Variants in BICC1 observed in about 807,000 individuals in gnomAD.
BICC1 encodes BicC family RNA binding protein 1.
A neutral mutation model predicts 111.0 loss-of-function variants in BICC1; 43 were observed. That is an observed-to-expected ratio of 0.39 (90% CI 0.30 to 0.50). The LOEUF (loss-of-function observed/expected upper bound fraction) is 0.50, where lower values mean the gene tolerates loss of function less well. BICC1 is among the 20% of genes least tolerant of loss of function. The pLI, the probability that BICC1 is intolerant of heterozygous loss-of-function variation, is 0.88. For synonymous variants in BICC1, 467 were observed against 434.4 expected, an observed-to-expected ratio of 1.07 and a Z score of -0.93; for missense variants, 1,091 against 1,203.2, an observed-to-expected ratio of 0.91 and a Z score of 1.38.
intron 1 of BICC1, among the ~76,000 whole-genome samples, chr10:58,576,480 G>A (rs1432753670): frequency 6.6e-6 from 1 of 152,138 alleles, no homozygotes. Flanking sequence ...TCATGTACAA[G>A]CAAGGATCGC....
intron 16 of BICC1, among the ~76,000 whole-genome samples, 159 bp downstream of exon 16, chr10:58,806,782 A>C (rs1438223593): frequency 6.6e-6 from 1 of 152,174 alleles, no homozygotes. Flanking sequence ...TATTTTGTTG[A>C]ATGGTTTAGC....
intron 1 of BICC1, among the ~76,000 whole-genome samples, chr10:58,539,471 A>G (rs1842904648): frequency 6.6e-6 from 1 of 151,534 alleles, no homozygotes; most frequent in South Asian, 2.1e-4. Flanking sequence ...AAAATTCTAG[A>G]CTTCTCCATG....
At chr10:58,617,073 G>A (rs1845636917) in intron 1 of BICC1, among the ~76,000 whole-genome samples, 1 of 152,258 alleles carries the variant, frequency 6.6e-6, no homozygotes, top group Non-Finnish European at 1.5e-5. Flanking sequence ...GCCTTTAGCA[G>A]CGCATGGAGC....
Position 58,642,484 on chromosome 10 carries a change from T to C in BICC1, c.237+21583T>C, listed in dbSNP as rs1838152553. On this transcript the variant is annotated intron_variant, in intron 2 of 20. Transcript: ENST00000373886. Reference sequence around the variant, plus strand: ...TCCTGGAATGTCATGGAACTTTTCCTGTAATGAGTTCCTGGTGACTTGAGA... The same window carrying C: ...TCCTGGAATGTCATGGAACTTTTCCCGTAATGAGTTCCTGGTGACTTGAGA... Among the ~76,000 whole-genome samples the C allele has an allele frequency of 2.0e-5, 3 of 152,284 alleles. No homozygotes were observed. In the East Asian group the frequency reaches 5.8e-4, roughly 29 times the overall value.
chr10:58,770,395 C>G lies in BICC1; in HGVS notation c.308-14606C>G, dbSNP rs543613012. Reference sequence around the variant, plus strand: ...ATAAACTGCAGAGTGAACCTTTCTCCACCAAGTAATTATGCTGATATGTTG... The same window carrying G: ...ATAAACTGCAGAGTGAACCTTTCTCGACCAAGTAATTATGCTGATATGTTG... On this transcript the variant is annotated intron_variant, in intron 3 of 20. Transcript: ENST00000373886. Among the ~76,000 whole-genome samples the G allele has an allele frequency of 4.6e-5, 7 of 152,042 alleles. No homozygotes were observed. In the South Asian group the frequency reaches 1.5e-3, roughly 32 times the overall value.
intron 2 of BICC1, among the ~76,000 whole-genome samples, chr10:58,684,176 T>C (rs7915579): frequency 0.016 from 2,491 of 152,262 alleles, 68 homozygotes; most frequent in African/African-American, 0.057. Context: ...ATGGATTATG[T>C]TTATTGGTTT....
At chr10:58,800,681 C>T (rs968491081) in intron 13 of BICC1, among the ~76,000 whole-genome samples, 5 of 152,164 alleles carry the variant, frequency 3.3e-5, no homozygotes, top group Admixed American at 3.3e-4. Context: ...CCCACCAAAT[C>T]TTTAAAATAT....
At chr10:58,734,044 C>A (rs7087466) in intron 3 of BICC1, among the ~76,000 whole-genome samples, 45,318 of 152,060 alleles carry the variant, frequency 0.3, 7,738 homozygotes, top group African/African-American at 0.47. Context: ...ACACTTCCAT[C>A]TGTGGGAAAA....
chr10:58,716,089 AAGAG>A, intron 3 of BICC1: 1 of 1,491,184 alleles, frequency 6.7e-7, no homozygotes, highest in South Asian at 1.2e-5. Context: ...ACTCAGCAAA[AAGAG>A]AAAGATGTAT....
chr10:58,517,501 GA>G (rs1842273642), intron 1 of BICC1, among the ~76,000 whole-genome samples: 2 of 152,190 alleles, frequency 1.3e-5, no homozygotes, highest in Non-Finnish European at 2.9e-5. Flanking sequence ...GAAGAAATAT[GA>G]AGCCAAAAAT....
In BICC1 at chr10:58,650,825, T is replaced by A. The variant is rs535345212; in HGVS notation, c.237+29924T>A. ...GCTCCTCGTATCCTTTTTATAAGCT[T>A]TTCAAGTTAACCTGGAGCTCCCCTT... On this transcript the variant is annotated intron_variant, in intron 2 of 20. Transcript: ENST00000373886. 5 of 152,242 alleles carry A rather than the reference T, an allele frequency of 3.3e-5. No individual in the cohort carries two copies. In the East Asian group the frequency reaches 9.6e-4, roughly 29 times the overall value. 9.4% of individuals were successfully genotyped at this position (152,242 alleles called of 1,614,324 possible).
intron 18 of BICC1, 57 bp downstream of exon 18, chr10:58,814,043 T>A (rs776774969): frequency 6.3e-7 from 1 of 1,597,138 alleles, no homozygotes; most frequent in East Asian, 2.2e-5. Context: ...ATGTGTTTAT[T>A]TGGGTTGGAG....
chr10:58,771,238 G>A lies in BICC1; in HGVS notation c.308-13763G>A, dbSNP rs921933986. On this transcript the variant is annotated intron_variant, in intron 3 of 20. Transcript: ENST00000373886. ...GTGCCAGAGTCTGAAGGGCTGTCATGGATATGCTAAGGGGATGACATTTTT... is the reference window on the plus strand; with the variant it reads ...GTGCCAGAGTCTGAAGGGCTGTCATAGATATGCTAAGGGGATGACATTTTT... Among the ~76,000 whole-genome samples the A allele has an allele frequency of 2.0e-5, 3 of 152,138 alleles. No homozygotes were observed. The East Asian group carries it at 5.8e-4, about 29-fold the overall frequency.
chr10:58,800,874 T>TC lies in BICC1; in HGVS notation c.1859-14dup. ...GTTGTTTAGGTGTTTCACTTTTTTT[T>TC]CCTTTTCCTCTGCAGGTTGTAATGA... On this transcript the variant is annotated splice_polypyrimidine_tract_variant and intron_variant, in intron 13 of 20. Transcript: ENST00000373886. 6.4e-7 allele frequency: 1 copy of TC among 1,573,184 alleles called. No homozygotes were observed. The highest frequency in any genetic ancestry group is 8.6e-7 in the Non-Finnish European group (1 of 1,162,122).
At chr10:58,615,551 C>T (rs1476199876) in intron 1 of BICC1, among the ~76,000 whole-genome samples, 2 of 152,200 alleles carry the variant, frequency 1.3e-5, no homozygotes, top group Non-Finnish European at 2.9e-5. Context: ...GTGCCCCAGT[C>T]GGCTTGTTCG....
chr10:58,659,202 C>G (rs1838761176), intron 2 of BICC1, among the ~76,000 whole-genome samples: 1 of 152,034 alleles, frequency 6.6e-6, no homozygotes, highest in Non-Finnish European at 1.5e-5. Context: ...TCAAAGAGCT[C>G]AATACCATTC....
intron 3 of BICC1, among the ~76,000 whole-genome samples, chr10:58,766,502 G>A (rs1013128611): frequency 4.6e-5 from 7 of 152,080 alleles, no homozygotes; most frequent in African/African-American, 1.7e-4. Context: ...CTGAACTGAA[G>A]GATCTAGTTC....
intron 3 of BICC1, among the ~76,000 whole-genome samples, chr10:58,780,610 A>G (rs1842858317): frequency 6.6e-6 from 1 of 152,144 alleles, no homozygotes; most frequent in South Asian, 2.1e-4. Context: ...GTGGAATAGG[A>G]ATGAAGTGGG....
chr10:58,594,711 A>C (rs1273570688), intron 1 of BICC1, among the ~76,000 whole-genome samples: 2 of 152,228 alleles, frequency 1.3e-5, no homozygotes, highest in Admixed American at 1.3e-4. Flanking sequence ...GCCTTACAAG[A>C]ACTCCTGAAG....
Sources: gnomAD v4.1 joint callset for allele counts (sites outside exome capture counted in the v4.1 genomes callset) on GRCh38, gnomAD v4.1.1 for gene constraint, MANE v1.5 for transcripts, NCBI Gene and HGNC (gene_info 2026-07-23, HGNC 2026-07-21) for gene names.